CHL1: variants seen among roughly 807,000 people sequenced by gnomAD.
CHL1 encodes the protein cell adhesion molecule L1 like.
Under a neutral mutation model 141.9 loss-of-function variants are expected in CHL1, and 96 were observed. The observed-to-expected ratio is 0.68, with a 90% CI of 0.57 to 0.80. The LOEUF is 0.80. Ranked by LOEUF, CHL1 falls within the 30% of genes least tolerant of loss-of-function variation. The pLI is 0.00. For missense variants in CHL1, 1,820 were observed against 1,457.2 expected (o/e 1.25, Z -4.05); for synonymous variants, 613 against 502.2 (o/e 1.22, Z -2.95).
intron 11 of CHL1, among the ~76,000 whole-genome samples, chr3:358,025 G>T (rs147922115): frequency 1.3e-5 from 2 of 152,256 alleles, no homozygotes; most frequent in African/African-American, 4.8e-5. Context: ...CAAGAAATAA[G>T]TGATAAATTG....
At position 390,834 on chromosome 3, in the gene CHL1, T is replaced by G; in HGVS notation, c.2586+18T>G. ...GCTATCAGGTTTTTATCATCATGGTTTTTCCTCTTCTTGTTGAATTGGTAT... is the reference window on the plus strand; with the variant it reads ...GCTATCAGGTTTTTATCATCATGGTGTTTCCTCTTCTTGTTGAATTGGTAT... On this transcript the variant is annotated intron_variant, in intron 21 of 27. Transcript: ENST00000256509. 1 of 1,539,170 alleles carries G rather than the reference T, an allele frequency of 6.5e-7. No homozygotes were observed. The highest frequency in any genetic ancestry group is 9.0e-7 in the Non-Finnish European group (1 of 1,112,752).
intron 5 of CHL1, among the ~76,000 whole-genome samples, chr3:330,616 A>G (rs1701361909): frequency 1.3e-5 from 2 of 152,182 alleles, no homozygotes; most frequent in South Asian, 2.1e-4. Flanking sequence ...TATTTATTGG[A>G]AGAATCTATA....
chr3:231,193 A>T (rs777421751), intron 1 of CHL1, among the ~76,000 whole-genome samples: 2 of 152,208 alleles, frequency 1.3e-5, no homozygotes, highest in Non-Finnish European at 2.9e-5. Flanking sequence ...GGGAGGAGAA[A>T]GACAATGCAT....
At chr3:226,765 T>C (rs1701391540) in intron 1 of CHL1, among the ~76,000 whole-genome samples, 2 of 151,748 alleles carry the variant, frequency 1.3e-5, no homozygotes, top group South Asian at 4.1e-4. Flanking sequence ...CTATATTTTT[T>C]ATTTTTCTCC....
intron 26 of CHL1, among the ~76,000 whole-genome samples, chr3:401,330 G>C (rs1157605038): frequency 6.6e-6 from 1 of 152,186 alleles, no homozygotes; most frequent in East Asian, 1.9e-4. Context: ...ATCAAACTCA[G>C]TTGGGCTCTT....
intron 15 of CHL1, 147 bp from the exon 16 acceptor site, chr3:377,671 G>A: frequency 1.6e-6 from 1 of 618,994 alleles, no homozygotes; most frequent in Non-Finnish European, 2.7e-6. Context: ...TTTCAACTGT[G>A]GCATTCTCTA....
chr3:255,037 G>T (rs146394711), intron 2 of CHL1, among the ~76,000 whole-genome samples: 6 of 151,904 alleles, frequency 3.9e-5, no homozygotes, highest in Admixed American at 3.9e-4. Flanking sequence ...AGCTACAATT[G>T]TTCTGAATTT....
At chr3:260,255 C>A (rs1373772658) in intron 2 of CHL1, among the ~76,000 whole-genome samples, 2 of 141,578 alleles carry the variant, frequency 1.4e-5, no homozygotes, top group South Asian at 2.1e-4. Flanking sequence ...CAGAGTGAAA[C>A]TCTGTCTCAA....
At chr3:332,579 AGTGTGAAGCATCCC>A (rs1235855542) in intron 5 of CHL1, among the ~76,000 whole-genome samples, 1 of 152,104 alleles carries the variant, frequency 6.6e-6, no homozygotes, top group East Asian at 1.9e-4. Flanking sequence ...AAAATGAGTA[AGTGTGAAGCATCCC>A]GTTTGTCTCA....
At chr3:349,063 C>G (rs570005423) in intron 9 of CHL1, among the ~76,000 whole-genome samples, 2 of 152,184 alleles carry the variant, frequency 1.3e-5, no homozygotes, top group African/African-American at 4.8e-5. Context: ...ATTTTTCCTT[C>G]GCTCAGCCAC....
intron 2 of CHL1, among the ~76,000 whole-genome samples, chr3:279,272 T>TTTTTC (rs752092113): frequency 4.6e-5 from 7 of 152,170 alleles, no homozygotes; most frequent in South Asian, 2.1e-4. Context: ...TCTTGCATCA[T>TTTTTC]TTTTCTTTTC....
At chr3:343,953 T>G (rs3773401) in intron 8 of CHL1, among the ~76,000 whole-genome samples, 47,885 of 152,118 alleles carry the variant, frequency 0.31, 7,842 homozygotes, top group South Asian at 0.4. Flanking sequence ...GATGGAAGTC[T>G]TCTAATTTGC....
At chr3:278,321 T>G (rs73815828) in intron 2 of CHL1, among the ~76,000 whole-genome samples, 1,732 of 152,310 alleles carry the variant, frequency 0.011, 28 homozygotes, top group African/African-American at 0.04. Context: ...CTGAAATCAT[T>G]TACTAGTTGT....
intron 1 of CHL1, among the ~76,000 whole-genome samples, chr3:207,774 A>T (rs973850444): frequency 1.3e-5 from 2 of 152,218 alleles, no homozygotes; most frequent in Admixed American, 1.3e-4. Context: ...AGCAATTCTC[A>T]GAGGAGCAAA....
chr3:203,252 G>T (rs1447825713), intron 1 of CHL1, among the ~76,000 whole-genome samples: 1 of 152,210 alleles, frequency 6.6e-6, no homozygotes, highest in African/African-American at 2.4e-5. Context: ...TTGGCCCAAA[G>T]AATGTTTAAG....
chr3:320,877 C>G (rs991093568), intron 3 of CHL1, among the ~76,000 whole-genome samples: 1 of 151,908 alleles, frequency 6.6e-6, no homozygotes, highest in African/African-American at 2.4e-5. Context: ...TCTATTGCAT[C>G]TTCTGTATAT....
chr3:284,187 A>G (rs753291254), intron 2 of CHL1, among the ~76,000 whole-genome samples: 1 of 152,222 alleles, frequency 6.6e-6, no homozygotes, highest in Non-Finnish European at 1.5e-5. Context: ...TTTGTTTACA[A>G]TAAGGCAGGA....
intron 2 of CHL1, among the ~76,000 whole-genome samples, chr3:298,337 G>A (rs1458763390): frequency 6.6e-6 from 1 of 152,132 alleles, no homozygotes; most frequent in Non-Finnish European, 1.5e-5. Context: ...CATGGCATGG[G>A]TGAGCCAGGG....
At chr3:225,363 C>T in intron 1 of CHL1, among the ~76,000 whole-genome samples, 1 of 152,152 alleles carries the variant, frequency 6.6e-6, no homozygotes, top group East Asian at 1.9e-4. Context: ...GAATGTTGCA[C>T]AAACTGTCCT....
Sources: gnomAD v4.1 joint callset for allele counts (sites outside exome capture counted in the v4.1 genomes callset) on GRCh38, gnomAD v4.1.1 for gene constraint, MANE v1.5 for transcripts, NCBI Gene and HGNC (gene_info 2026-07-23, HGNC 2026-07-21) for gene names.